Variants in GTF3C5 observed in about 807,000 individuals in gnomAD.
The protein encoded by GTF3C5 is general transcription factor 3C polypeptide 5.
A neutral mutation model predicts 61.0 loss-of-function variants in GTF3C5; 47 were observed. The observed-to-expected ratio is 0.77, with a 90% CI of 0.61 to 0.98. The LOEUF (loss-of-function observed/expected upper bound fraction) is 0.98. Among genes scored for constraint, GTF3C5 ranks in the 50% least tolerant of loss-of-function variants. The probability of loss-of-function intolerance (pLI) is 0.00; values close to 1 mark genes in which losing one functional copy is unlikely to be tolerated. For missense variants in GTF3C5, 659 were observed against 703.3 expected, an observed-to-expected ratio of 0.94 and a Z score of 0.71; for synonymous variants, 295 against 275.4, an observed-to-expected ratio of 1.07 and a Z score of -0.71.
chr9:133,056,636 T>A, intron 9 of GTF3C5, 130 bp from the exon 10 acceptor site: 1 of 813,556 alleles, frequency 1.2e-6, no homozygotes, highest in South Asian at 2.0e-5. Flanking sequence ...CCAGTTCCTC[T>A]CTGTAGACTT....
intron 1 of GTF3C5, among the ~76,000 whole-genome samples, chr9:133,035,665 G>A (rs1417934653): frequency 2.0e-5 from 3 of 151,886 alleles, no homozygotes; most frequent in Non-Finnish European, 2.9e-5. Context: ...AACTGCGGTC[G>A]GGGGAGGAAG....
chr9:133,055,736 C>A, intron 8 of GTF3C5: 1 of 1,300,804 alleles, frequency 7.7e-7, no homozygotes. Flanking sequence ...AGCCCCATGC[C>A]ATGGGCGCCA....
At chr9:133,056,691 C>CA (rs1829948553) in intron 9 of GTF3C5, 75 bp from the exon 10 acceptor site, 5 of 1,438,260 alleles carry the variant, frequency 3.5e-6, no homozygotes, top group Non-Finnish European at 4.7e-6. Flanking sequence ...CTGCCTCTGG[C>CA]AAAAACCAAC....
chr9:133,037,767 G>A lies in GTF3C5; in HGVS notation c.154-4320G>A, dbSNP rs578088093. 2.3e-4 allele frequency among the ~76,000 whole-genome samples: 35 copies of A among 152,210 alleles called. No homozygotes were observed. In the South Asian group the frequency reaches 7.1e-3, roughly 31 times the overall value. On this transcript the variant is annotated intron_variant, in intron 1 of 10. Coordinates refer to ENST00000372097, the MANE Select transcript of GTF3C5 (RefSeq NM_012087.4). ...GAACTCTGCGTCTTCTAAGATTTTT[G>A]CTCTAAATCCTTCTCCCTTTACCCC...
intron 3 of GTF3C5, chr9:133,044,232 G>T: frequency 2.6e-6 from 1 of 391,840 alleles, no homozygotes; most frequent in South Asian, 2.8e-5. Flanking sequence ...AAAAGTGTGT[G>T]CAGTTCTCAG....
At chr9:133,038,764 G>C (rs77087528) in intron 1 of GTF3C5, among the ~76,000 whole-genome samples, 2 of 151,958 alleles carry the variant, frequency 1.3e-5, no homozygotes, top group South Asian at 2.1e-4. Flanking sequence ...GCTCCTAGGG[G>C]CTTTTTTTTC....
chr9:133,043,215 G>C (rs1005834868), intron 2 of GTF3C5, among the ~76,000 whole-genome samples: 1 of 152,214 alleles, frequency 6.6e-6, no homozygotes, highest in Non-Finnish European at 1.5e-5. Context: ...ACCAAAGAGG[G>C]CTGTTCTTTT....
Position 133,031,167 on chromosome 9 carries a change from A to T in GTF3C5, c.153+3A>T. On this transcript the variant is annotated splice_donor_region_variant and intron_variant, in intron 1 of 10. Coordinates refer to ENST00000372097, the MANE Select transcript of GTF3C5 (RefSeq NM_012087.4). ...GCGGCGAGGAAGGCGTCTCCCGGGT[A>T]AGGGGCTGGGAATCTCGGTGTTGGA... The T allele has an allele frequency of 6.4e-7, 1 of 1,563,522 alleles. No individual in the cohort carries two copies. The highest frequency in any genetic ancestry group is 2.4e-5 in the East Asian group (1 of 42,100).
chr9:133,050,983 G>T lies in GTF3C5; in HGVS notation c.768+5G>T, dbSNP rs1289884878. 8.8e-6 allele frequency: 14 copies of T among 1,591,118 alleles called. No individual in the cohort carries two copies. The highest frequency in any genetic ancestry group is 1.4e-5 in the African/African-American group (1 of 73,938). ...GTGGAGGAGGAGCTGAGGAAGGCAA[G>T]TCCTGCGCTGCGCCTGGCCCCGGTG... On this transcript the variant is annotated splice_donor_5th_base_variant and intron_variant, in intron 4 of 10. Coordinates refer to ENST00000372097, the MANE Select transcript of GTF3C5 (RefSeq NM_012087.4).
At chr9:133,046,000 T>C (rs141919884) in intron 3 of GTF3C5, among the ~76,000 whole-genome samples, 3 of 152,276 alleles carry the variant, frequency 2.0e-5, no homozygotes, top group Non-Finnish European at 4.4e-5. Context: ...TTCCATAGCA[T>C]GTTTTAAGCT....
intron 1 of GTF3C5, among the ~76,000 whole-genome samples, chr9:133,031,828 C>G (rs1446048599): frequency 6.6e-6 from 1 of 152,032 alleles, no homozygotes; most frequent in African/African-American, 2.4e-5. Context: ...GGGGCACAGG[C>G]CTGAGTGGCG....
Position 133,052,075 on chromosome 9 carries a change from C to G in GTF3C5, c.784C>G (p.Pro262Ala). Residue 262 changes from proline (P) to alanine (A), a missense_variant, in exon 5 of 11, where the codon CCC becomes GCC. By Grantham distance (27) the Pro-to-Ala change is conservative. Coordinates refer to ENST00000372097, the MANE Select transcript of GTF3C5 (RefSeq NM_012087.4). Reference sequence around the variant, plus strand: ...GCCTCCCCAGCTGTTTGACATCCGTCCCATCTGGTCCCGAAATGCTGTCAA... The same window carrying G: ...GCCTCCCCAGCTGTTTGACATCCGTGCCATCTGGTCCCGAAATGCTGTCAA... ...EELRKLFDIR[P>A]IWSRNAVKAN... is the part of the protein sequence containing the mutation. The G allele has an allele frequency of 3.1e-6, 5 of 1,601,362 alleles. No individual in the cohort carries two copies. Among genetic ancestry groups the G allele is most frequent in the Non-Finnish European group, 4.3e-6 (5 of 1,171,824 alleles).
intron 10 of GTF3C5, 72 bp downstream of exon 10, chr9:133,056,980 G>T (rs1239753260): frequency 2.9e-6 from 4 of 1,403,360 alleles, no homozygotes; most frequent in Non-Finnish European, 3.8e-6. Flanking sequence ...TGTCCCTAAG[G>T]GGACCCATTC....
At chr9:133,048,544 T>C (rs112878245) in intron 3 of GTF3C5, among the ~76,000 whole-genome samples, 4,525 of 151,800 alleles carry the variant, frequency 0.03, 213 homozygotes, top group African/African-American at 0.098. Context: ...TGGCGCATGC[T>C]TGTAATCCCA....
intron 1 of GTF3C5, 26 bp from the exon 2 acceptor site, chr9:133,042,061 C>G: frequency 6.4e-7 from 1 of 1,557,684 alleles, no homozygotes; most frequent in Non-Finnish European, 8.8e-7. Context: ...CATTGCTTCA[C>G]TCTGTCTCCT....
chr9:133,030,731 C>T (rs775195499), upstream of GTF3C5: 5 of 555,026 alleles, frequency 9.0e-6, no homozygotes, highest in Non-Finnish European at 1.6e-5. Context: ...CCGGGTCCCT[C>T]GCTGGCTAGT....
Position 133,044,795 on chromosome 9 carries a change from C to T in GTF3C5, c.572+869C>T, listed in dbSNP as rs7025877. On this transcript the variant is annotated intron_variant, in intron 3 of 10. Coordinates refer to ENST00000372097, the MANE Select transcript of GTF3C5 (RefSeq NM_012087.4). ...GCGTCCCCTCCAGAACACGGTGCCT[C>T]TCCTGAGGACAGGCGCTCACTCTCT... Among the ~76,000 whole-genome samples, 413 of 152,252 alleles carry T rather than the reference C, an allele frequency of 2.7e-3. 3 individuals are homozygous for T. The highest frequency in any genetic ancestry group is 9.8e-3 in the African/African-American group (406 of 41,534).
intron 4 of GTF3C5, 149 bp downstream of exon 4, chr9:133,051,127 T>C (rs1588475930): frequency 1.7e-6 from 1 of 586,018 alleles, no homozygotes; most frequent in Non-Finnish European, 2.9e-6. Context: ...CACCTTCAGA[T>C]GCCATGTCTA....
At chr9:133,056,115 G>A (rs1389501035) in intron 9 of GTF3C5, 21 bp downstream of exon 9, 10 of 1,604,184 alleles carry the variant, frequency 6.2e-6, no homozygotes, top group Non-Finnish European at 8.5e-6. Flanking sequence ...GAGGGGCCCT[G>A]AGACACTGAG....
Sources: allele counts gnomAD v4.1 joint callset (sites outside exome capture counted in the v4.1 genomes callset), GRCh38; gene constraint gnomAD v4.1.1; transcripts MANE v1.5; gene names NCBI Gene and HGNC (gene_info 2026-07-23, HGNC 2026-07-21).